TMEM132C: variants seen among roughly 807,000 people sequenced by gnomAD.
TMEM132C encodes the protein transmembrane protein 132C, also known as protein phosphatase 1, regulatory subunit 152.
A neutral mutation model predicts 61.4 loss-of-function variants in TMEM132C; 29 were observed. That is an observed-to-expected ratio of 0.47 (90% confidence interval 0.35 to 0.64). The LOEUF (loss-of-function observed/expected upper bound fraction) is 0.64. Ranked by LOEUF, TMEM132C falls within the 30% of genes least tolerant of loss-of-function variation. The pLI, the probability that TMEM132C is intolerant of heterozygous loss-of-function variation, is 0.00. For missense variants in TMEM132C, 1,408 were observed against 1,476.9 expected (o/e 0.95, Z 0.76); for synonymous variants, 656 against 633.1 (o/e 1.04, Z -0.54).
intron 5 of TMEM132C, among the ~76,000 whole-genome samples, chr12:128,680,529 C>T (rs1954626792): frequency 1.3e-5 from 2 of 152,228 alleles, no homozygotes; most frequent in African/African-American, 4.8e-5. Context: ...AATTTCAGCT[C>T]CTCAGTCACT....
At chr12:128,475,294 A>G (rs1255634348) in intron 2 of TMEM132C, among the ~76,000 whole-genome samples, 6 of 152,204 alleles carry the variant, frequency 3.9e-5, no homozygotes, top group Non-Finnish European at 2.9e-5. Context: ...AAGGTCACAT[A>G]TTGTACTTAT....
At chr12:128,497,112 G>C (rs901029453) in intron 2 of TMEM132C, among the ~76,000 whole-genome samples, 1 of 152,226 alleles carries the variant, frequency 6.6e-6, no homozygotes, top group Non-Finnish European at 1.5e-5. Context: ...GACCCTGTTT[G>C]CCTGGGTATC....
At chr12:128,487,791 A>T (rs1235191952) in intron 2 of TMEM132C, among the ~76,000 whole-genome samples, 1 of 151,974 alleles carries the variant, frequency 6.6e-6, no homozygotes, top group Non-Finnish European at 1.5e-5. Context: ...CACCCTCCAC[A>T]TCTCCATAGG....
At chr12:128,498,362 G>A (rs558071207) in intron 2 of TMEM132C, among the ~76,000 whole-genome samples, 3 of 144,212 alleles carry the variant, frequency 2.1e-5, no homozygotes, top group Non-Finnish European at 4.6e-5. Context: ...TGCCAATGAC[G>A]TGATGTTCTA....
intron 2 of TMEM132C, among the ~76,000 whole-genome samples, chr12:128,437,170 T>C (rs531549525): frequency 5.3e-5 from 8 of 152,050 alleles, no homozygotes; most frequent in Non-Finnish European, 1.2e-4. Context: ...GGGGGAGGGA[T>C]AGTATTAGGA....
chr12:128,681,739 C>G (rs1954636708), intron 5 of TMEM132C, among the ~76,000 whole-genome samples: 1 of 151,260 alleles, frequency 6.6e-6, no homozygotes, highest in South Asian at 2.1e-4. Flanking sequence ...CTGCAACCTC[C>G]ACCTCCCGGG....
intron 2 of TMEM132C, among the ~76,000 whole-genome samples, chr12:128,542,065 C>T (rs970130412): frequency 4.6e-5 from 7 of 152,102 alleles, no homozygotes; most frequent in Non-Finnish European, 1.0e-4. Flanking sequence ...TGTAGCCAAC[C>T]CTCTTTATTT....
intron 3 of TMEM132C, among the ~76,000 whole-genome samples, chr12:128,609,747 A>G (rs1876566293): frequency 6.6e-6 from 1 of 152,168 alleles, no homozygotes; most frequent in Admixed American, 6.5e-5. Context: ...CCCCTGGCGT[A>G]TTGGATCTGG....
intron 1 of TMEM132C, among the ~76,000 whole-genome samples, chr12:128,276,625 C>T (rs1870699218): frequency 6.6e-6 from 1 of 152,152 alleles, no homozygotes; most frequent in Non-Finnish European, 1.5e-5. Context: ...AATTTTTTCT[C>T]CCAACTCTGC....
At chr12:128,495,611 T>G (rs1354232738) in intron 2 of TMEM132C, among the ~76,000 whole-genome samples, 1 of 152,226 alleles carries the variant, frequency 6.6e-6, no homozygotes, top group Non-Finnish European at 1.5e-5. Flanking sequence ...TCTTTTGATC[T>G]TTGTTGGTTT....
At chr12:128,465,976 A>G (rs2042559255) in intron 2 of TMEM132C, among the ~76,000 whole-genome samples, 1 of 152,214 alleles carries the variant, frequency 6.6e-6, no homozygotes, top group African/African-American at 2.4e-5. Context: ...AGGGGCCTCC[A>G]AAAGACTCCA....
chr12:128,311,588 G>A (rs964487065), intron 1 of TMEM132C, among the ~76,000 whole-genome samples: 24 of 152,196 alleles, frequency 1.6e-4, no homozygotes, highest in Admixed American at 1.4e-3. Flanking sequence ...TTTGCCCAGA[G>A]GTGCGCTTAG....
intron 3 of TMEM132C, among the ~76,000 whole-genome samples, chr12:128,595,010 C>G (rs929308889): frequency 6.6e-6 from 1 of 152,184 alleles, no homozygotes; most frequent in African/African-American, 2.4e-5. Context: ...TCCCTCACAT[C>G]CGAGGAGGGT....
intron 3 of TMEM132C, among the ~76,000 whole-genome samples, chr12:128,596,396 T>A (rs1875952324): frequency 6.8e-6 from 1 of 147,782 alleles, no homozygotes; most frequent in African/African-American, 2.5e-5. Context: ...GCTTGACTGA[T>A]CCCGTGTTTT....
At chr12:128,314,859 G>A (rs907146444) in intron 1 of TMEM132C, among the ~76,000 whole-genome samples, 1 of 152,190 alleles carries the variant, frequency 6.6e-6, no homozygotes, top group Non-Finnish European at 1.5e-5. Flanking sequence ...AAGCCACTCA[G>A]TGTGGGCCCT....
intron 1 of TMEM132C, among the ~76,000 whole-genome samples, chr12:128,269,493 T>C (rs1187496384): frequency 2.6e-5 from 4 of 152,050 alleles, no homozygotes; most frequent in Non-Finnish European, 5.9e-5. Context: ...GAAGCTGATA[T>C]TTGCACAACA....
intron 1 of TMEM132C, among the ~76,000 whole-genome samples, chr12:128,364,455 G>T (rs1748115501): frequency 1.3e-5 from 2 of 152,142 alleles, no homozygotes; most frequent in African/African-American, 4.8e-5. Context: ...ACATGGATGG[G>T]CCCCATGCTG....
intron 3 of TMEM132C, among the ~76,000 whole-genome samples, chr12:128,587,308 T>C (rs1875585339): frequency 6.6e-6 from 1 of 152,216 alleles, no homozygotes; most frequent in Non-Finnish European, 1.5e-5. Flanking sequence ...CAGGACATTC[T>C]GTATCCGGTG....
intron 4 of TMEM132C, among the ~76,000 whole-genome samples, chr12:128,667,519 C>T (rs1954490940): frequency 6.6e-6 from 1 of 152,200 alleles, no homozygotes; most frequent in South Asian, 2.1e-4. Flanking sequence ...GATGCAAAAG[C>T]ATCACAGAGA....
Sources: allele counts gnomAD v4.1 joint callset (sites outside exome capture counted in the v4.1 genomes callset), GRCh38; gene constraint gnomAD v4.1.1; transcripts MANE v1.5; gene names NCBI Gene and HGNC (gene_info 2026-07-23, HGNC 2026-07-21).